The following TENM3 variants were observed in gnomAD, a reference collection of about 807,000 sequenced individuals.
TENM3 encodes teneurin-3.
TENM3 carries 63 observed loss-of-function variants against 255.1 expected under a neutral mutation model. The ratio of observed to expected loss-of-function variants is 0.25; its 90% CI spans 0.20 to 0.30. The LOEUF (loss-of-function observed/expected upper bound fraction) is 0.30. Ranked by LOEUF, TENM3 falls within the 10% of genes least tolerant of loss-of-function variation. The probability of loss-of-function intolerance (pLI) is 1.00; values close to 1 mark genes in which losing one functional copy is unlikely to be tolerated. For synonymous variants in TENM3, 1,306 were observed against 1,322.3 expected (o/e 0.99, Z 0.27); for missense variants, 2,929 against 3,461.1 (o/e 0.85, Z 3.86).
the TENM3 span, among the ~76,000 whole-genome samples, chr4:181,947,403 A>G: frequency 3.9e-5 from 6 of 152,282 alleles, no homozygotes; most frequent in East Asian, 1.2e-3. Context: ...ATATTTTCCT[A>G]GACTTGTGAT....
intron 23 of TENM3, among the ~76,000 whole-genome samples, chr4:182,774,481 T>C (rs1399276588): frequency 1.3e-5 from 2 of 152,224 alleles, no homozygotes; most frequent in African/African-American, 2.4e-5. Context: ...ATTCAAGATA[T>C]AGATATTAAT....
intron 12 of TENM3, among the ~76,000 whole-genome samples, chr4:182,689,225 T>C (rs895176010): frequency 6.6e-6 from 1 of 152,180 alleles, no homozygotes; most frequent in Non-Finnish European, 1.5e-5. Context: ...GTATAGTATT[T>C]CTCCACATTG....
At chr4:182,545,403 A>G (rs952050233) in intron 3 of TENM3, among the ~76,000 whole-genome samples, 1 of 151,478 alleles carries the variant, frequency 6.6e-6, no homozygotes, top group African/African-American at 2.4e-5. Context: ...GGTCTAAGCC[A>G]CTCTCCATTA....
At chr4:182,349,314 C>A (rs1028420913) in intron 3 of TENM3, among the ~76,000 whole-genome samples, 2 of 152,162 alleles carry the variant, frequency 1.3e-5, no homozygotes, top group African/African-American at 4.8e-5. Flanking sequence ...GATACGTTGT[C>A]TTAATGAATA....
At chr4:182,568,215 T>C (rs540602069) in intron 3 of TENM3, among the ~76,000 whole-genome samples, 1 of 152,324 alleles carries the variant, frequency 6.6e-6, no homozygotes, top group South Asian at 2.1e-4. Flanking sequence ...TCACCTGGCT[T>C]ATTACAGCAT....
chr4:181,746,225 T>C, the TENM3 span, among the ~76,000 whole-genome samples: 154 of 152,196 alleles, frequency 1.0e-3, no homozygotes, highest in Middle Eastern at 6.8e-3. Context: ...TTATTTGTAA[T>C]GAACAAATCT....
intron 3 of TENM3, among the ~76,000 whole-genome samples, chr4:182,572,739 G>T (rs1744522979): frequency 6.6e-6 from 1 of 152,204 alleles, no homozygotes; most frequent in African/African-American, 2.4e-5. Context: ...AGTAGAAATA[G>T]TTGCTCACAG....
intron 3 of TENM3, among the ~76,000 whole-genome samples, chr4:182,360,768 T>C (rs1479491769): frequency 6.6e-6 from 1 of 152,114 alleles, no homozygotes; most frequent in African/African-American, 2.4e-5. Context: ...GTCATTATGA[T>C]GTTAGCTGGT....
At chr4:181,982,892 G>A in the TENM3 span, among the ~76,000 whole-genome samples, 1 of 152,098 alleles carries the variant, frequency 6.6e-6, no homozygotes, top group Non-Finnish European at 1.5e-5. Flanking sequence ...ATTTACCAAA[G>A]AAAACTATTT....
At chr4:182,418,371 C>G (rs375106076) in intron 3 of TENM3, among the ~76,000 whole-genome samples, 1 of 152,008 alleles carries the variant, frequency 6.6e-6, no homozygotes, top group South Asian at 2.1e-4. Flanking sequence ...CCACGGAATT[C>G]GTAATGTCCT....
At chr4:181,757,641 G>A in the TENM3 span, among the ~76,000 whole-genome samples, 31 of 152,232 alleles carry the variant, frequency 2.0e-4, no homozygotes, top group African/African-American at 7.5e-4. Flanking sequence ...TTTACAGGCA[G>A]CAAAAGGATT....
At chr4:181,495,496 T>C in the TENM3 span, among the ~76,000 whole-genome samples, 1 of 152,072 alleles carries the variant, frequency 6.6e-6, no homozygotes, top group Non-Finnish European at 1.5e-5. Flanking sequence ...AGTAATTGCT[T>C]TCTTCCTCAC....
chr4:182,739,913 G>A (rs1761472871), intron 18 of TENM3, among the ~76,000 whole-genome samples: 2 of 152,170 alleles, frequency 1.3e-5, no homozygotes, highest in South Asian at 2.1e-4. Context: ...ATACGCACCT[G>A]TAGTCCCAGC....
the TENM3 span, among the ~76,000 whole-genome samples, chr4:182,104,336 C>A: frequency 6.6e-6 from 1 of 152,060 alleles, no homozygotes; most frequent in African/African-American, 2.4e-5. Flanking sequence ...GTCTAGCCAC[C>A]TCCACTCTTC....
chr4:182,127,065 A>G, the TENM3 span, among the ~76,000 whole-genome samples: 2 of 152,266 alleles, frequency 1.3e-5, no homozygotes, highest in Admixed American at 6.5e-5. Context: ...TCTGTAGGAC[A>G]TCATATACTG....
chr4:182,020,781 C>G, the TENM3 span, among the ~76,000 whole-genome samples: 1 of 152,108 alleles, frequency 6.6e-6, no homozygotes, highest in African/African-American at 2.4e-5. Context: ...TCCATCACTC[C>G]CAGGACAATA....
At chr4:181,928,482 A>T in the TENM3 span, among the ~76,000 whole-genome samples, 1 of 152,002 alleles carries the variant, frequency 6.6e-6, no homozygotes, top group Non-Finnish European at 1.5e-5. Context: ...GATTGGAGAA[A>T]AAAGAATGAG....
At chr4:181,691,116 A>C in the TENM3 span, among the ~76,000 whole-genome samples, 4 of 152,286 alleles carry the variant, frequency 2.6e-5, no homozygotes, top group Non-Finnish European at 1.5e-5. Flanking sequence ...ATTAGCAGAA[A>C]AATTATTTTA....
At chr4:182,479,750 C>T (rs1490289796) in intron 3 of TENM3, among the ~76,000 whole-genome samples, 1 of 151,892 alleles carries the variant, frequency 6.6e-6, no homozygotes, top group Non-Finnish European at 1.5e-5. Flanking sequence ...ATGGAGAATT[C>T]TACGTAACTT....
Sources: allele counts gnomAD v4.1 joint callset (sites outside exome capture counted in the v4.1 genomes callset), GRCh38; gene constraint gnomAD v4.1.1; transcripts MANE v1.5; gene names NCBI Gene and HGNC (gene_info 2026-07-23, HGNC 2026-07-21).